Variants in B4GALT1 observed in about 807,000 individuals in gnomAD.
B4GALT1 encodes the protein beta-1,4-galactosyltransferase 1.
A neutral mutation model predicts 34.9 loss-of-function variants in B4GALT1; 16 were observed. That is an observed-to-expected ratio of 0.46 (90% CI 0.31 to 0.70). The LOEUF (loss-of-function observed/expected upper bound fraction) is 0.70, where lower values mean the gene tolerates loss of function less well. Ranked by LOEUF, B4GALT1 falls within the 30% of genes least tolerant of loss-of-function variation. The pLI, the probability that B4GALT1 is intolerant of heterozygous loss-of-function variation, is 0.05. For missense variants in B4GALT1, 445 were observed against 530.5 expected, an observed-to-expected ratio of 0.84 and a Z score of 1.58; for synonymous variants, 221 against 218.1, an observed-to-expected ratio of 1.01 and a Z score of -0.12.
chr9:33,154,156 AC>A (rs1326347695), intron 1 of B4GALT1, among the ~76,000 whole-genome samples: 1 of 152,228 alleles, frequency 6.6e-6, no homozygotes, highest in Non-Finnish European at 1.5e-5. Flanking sequence ...ATACACCATG[AC>A]CAAGTGGGAT....
intron 1 of B4GALT1, among the ~76,000 whole-genome samples, chr9:33,140,140 C>T (rs1395829702): frequency 6.6e-6 from 1 of 152,250 alleles, no homozygotes; most frequent in Non-Finnish European, 1.5e-5. Flanking sequence ...TAATCTAAGC[C>T]AACACCAGCA....
chr9:33,115,131 T>C (rs1426889216), intron 4 of B4GALT1, among the ~76,000 whole-genome samples: 1 of 152,258 alleles, frequency 6.6e-6, no homozygotes, highest in Admixed American at 6.5e-5. Context: ...ATCTACATAC[T>C]AAAACTGGAG....
intron 1 of B4GALT1, among the ~76,000 whole-genome samples, chr9:33,161,737 C>A (rs1280000290): frequency 6.6e-6 from 1 of 152,182 alleles, no homozygotes; most frequent in African/African-American, 2.4e-5. Context: ...TGGATTGCTG[C>A]TCCACTGGAC....
rs752070082 is a variant in B4GALT1 at position 33,167,206 on chromosome 9, G to A, written c.-37C>T. On this transcript the variant is annotated 5_prime_UTR_variant, in exon 1 of 6. Coordinates refer to ENST00000379731, the MANE Select transcript of B4GALT1 (RefSeq NM_001497.4). The stretch of plus-strand genomic sequence containing the variant: ...CGCTTTAAGAAGGGTGTGGGCTACA[G>A]GAGGGGAGGCGACCCGCCCGCGGGC... 1 of 1,527,448 alleles carries A rather than the reference G, an allele frequency of 6.5e-7. No homozygotes were observed. The highest frequency in any genetic ancestry group is 1.2e-5 in the South Asian group (1 of 80,500). 94.6% of individuals were successfully genotyped at this position (1,527,448 alleles called of 1,614,324 possible). A position where few individuals can be genotyped will look rare whatever the true frequency, so the allele number is the denominator to read the frequency against.
At chr9:33,183,638 G>T in the B4GALT1 span, among the ~76,000 whole-genome samples, 1 of 102,198 alleles carries the variant, frequency 9.8e-6, no homozygotes, top group African/African-American at 3.8e-5. Context: ...GTTGTGGGGT[G>T]GGGGGAGGGG....
At chr9:33,174,264 C>A in the B4GALT1 span, 1 of 153,086 alleles carries the variant, frequency 6.5e-6, no homozygotes, top group African/African-American at 2.4e-5. Flanking sequence ...TCAACTAGAG[C>A]TTTGCTTTAG....
chr9:33,150,229 T>C (rs1187739312), intron 1 of B4GALT1, among the ~76,000 whole-genome samples: 1 of 68,314 alleles, frequency 1.5e-5, no homozygotes, highest in Non-Finnish European at 3.0e-5. Flanking sequence ...TATCTACAGG[T>C]AGATACACAC....
intron 1 of B4GALT1, among the ~76,000 whole-genome samples, chr9:33,164,610 C>A (rs1284254853): frequency 6.6e-6 from 1 of 152,220 alleles, no homozygotes; most frequent in Non-Finnish European, 1.5e-5. Context: ...ACACCAGTAA[C>A]TGGTGACAAG....
At chr9:33,151,248 C>T (rs1471687863) in intron 1 of B4GALT1, among the ~76,000 whole-genome samples, 1 of 152,256 alleles carries the variant, frequency 6.6e-6, no homozygotes, top group Non-Finnish European at 1.5e-5. Context: ...TTCTAAGCTA[C>T]TCAATAACAG....
chr9:33,128,085 A>G (rs1257908863), intron 2 of B4GALT1, among the ~76,000 whole-genome samples: 1 of 152,168 alleles, frequency 6.6e-6, no homozygotes, highest in African/African-American at 2.4e-5. Flanking sequence ...AGCGGTAGTT[A>G]GGTCGGCATT....
chr9:33,130,535 C>T (rs1840178961), intron 2 of B4GALT1, among the ~76,000 whole-genome samples: 2 of 150,776 alleles, frequency 1.3e-5, no homozygotes, highest in South Asian at 2.1e-4. Context: ...AGGAAAGCCT[C>T]TCCCGGCTCA....
chr9:33,146,837 G>A (rs908423311), intron 1 of B4GALT1, among the ~76,000 whole-genome samples: 3 of 152,064 alleles, frequency 2.0e-5, no homozygotes, highest in African/African-American at 7.2e-5. Flanking sequence ...GGGAATATAG[G>A]TGCATGTCAC....
chr9:33,143,222 G>A (rs1002387470), intron 1 of B4GALT1, among the ~76,000 whole-genome samples: 5 of 152,236 alleles, frequency 3.3e-5, no homozygotes, highest in Admixed American at 6.5e-5. Context: ...AGGTGGCCAA[G>A]TGGGAAGCTA....
intron 1 of B4GALT1, among the ~76,000 whole-genome samples, chr9:33,164,310 C>A (rs529819871): frequency 6.6e-6 from 1 of 152,286 alleles, no homozygotes; most frequent in East Asian, 1.9e-4. Flanking sequence ...GGGCTCGACT[C>A]CCCCCACCCA....
chr9:33,107,754 T>C (rs905789079), downstream of B4GALT1, among the ~76,000 whole-genome samples: 2 of 152,146 alleles, frequency 1.3e-5, no homozygotes, highest in African/African-American at 4.8e-5. Context: ...GCCCTCTTCC[T>C]CCTTCCTCCC....
rs1017947758 is a variant in B4GALT1, at chr9:33,112,745, A to G, written c.*709T>C. 2 of 153,052 alleles carry G rather than the reference A, an allele frequency of 1.3e-5. No individual in the cohort carries two copies. The highest frequency in any genetic ancestry group is 2.9e-5 in the Non-Finnish European group (2 of 68,404). The allele number at this position is 153,052 out of a possible 1,614,324, so 9.5% of individuals were successfully genotyped here. On this transcript the variant is annotated 3_prime_UTR_variant, in exon 6 of 6. Transcript: ENST00000379731. ...TTTCTTTAAAATACTACAAACTACTATTTAAAAAAAAACACAACAACTTTA... is the reference window on the plus strand; with the variant it reads ...TTTCTTTAAAATACTACAAACTACTGTTTAAAAAAAAACACAACAACTTTA...
intron 2 of B4GALT1, among the ~76,000 whole-genome samples, chr9:33,125,386 C>T (rs1416467732): frequency 6.6e-6 from 1 of 152,158 alleles, no homozygotes; most frequent in African/African-American, 2.4e-5. Flanking sequence ...GGGTTAGGTG[C>T]TTGTTAAGAT....
chr9:33,157,046 T>C (rs1375667844), intron 1 of B4GALT1, among the ~76,000 whole-genome samples: 1 of 115,176 alleles, frequency 8.7e-6, no homozygotes, highest in Non-Finnish European at 1.8e-5. Context: ...GGCCACATGG[T>C]GTCCAGCATA....
In B4GALT1 at chr9:33,111,339, G is replaced by A. The variant is rs1217349858; in HGVS notation, c.*2115C>T. The A allele has an allele frequency of 6.6e-6, 1 of 151,204 alleles. No individual in the cohort carries two copies. The highest frequency in any genetic ancestry group is 1.5e-5 in the Non-Finnish European group (1 of 67,838). The allele number at this position is 151,204 out of a possible 1,614,324, so 9.4% of individuals were successfully genotyped here. A position where few individuals can be genotyped will look rare whatever the true frequency, so the allele number is the denominator to read the frequency against. ...AATAACACAGAAGTTACCACTCAGG[G>A]CATTTGTCTGATTTCTTTTAAGGCA... On this transcript the variant is annotated 3_prime_UTR_variant, in exon 6 of 6. Transcript: ENST00000379731.
Sources: gnomAD v4.1 joint callset for allele counts (sites outside exome capture counted in the v4.1 genomes callset) on GRCh38, gnomAD v4.1.1 for gene constraint, MANE v1.5 for transcripts, NCBI Gene and HGNC (gene_info 2026-07-23, HGNC 2026-07-21) for gene names.